Variants in MGAT5B observed in about 807,000 individuals in gnomAD.
MGAT5B encodes the protein N-acetylglucosaminyl-transferase Vb.
In MGAT5B, 54 loss-of-function variants were observed where a neutral mutation model predicts 95.1. The ratio of observed to expected loss-of-function variants is 0.57; its 90% confidence interval spans 0.46 to 0.71. MGAT5B has a LOEUF of 0.71. MGAT5B is among the 30% of genes least tolerant of loss of function. The pLI is 0.00. For missense variants in MGAT5B, 935 were observed against 1,088.6 expected, an observed-to-expected ratio of 0.86 and a Z score of 1.99; for synonymous variants, 464 against 451.0, an observed-to-expected ratio of 1.03 and a Z score of -0.36.
At position 76,945,805 on chromosome 17, in the gene MGAT5B, G is replaced by A. The variant is rs1033521442; in HGVS notation, c.1849-571G>A. On this transcript the variant is annotated intron_variant, in intron 15 of 17. Coordinates refer to ENST00000569840, the MANE Select transcript of MGAT5B (RefSeq NM_001199172.2). The stretch of plus-strand genomic sequence containing the variant: ...TTCCTGAGCACCCACTGTATGCCAG[G>A]CACTGTGCCAGGCACTGGAGATTCA... 3.3e-5 allele frequency among the ~76,000 whole-genome samples: 5 copies of A among 152,256 alleles called. No individual in the cohort carries two copies. In the South Asian group the frequency reaches 6.2e-4, roughly 19 times the overall value.
At chr17:76,939,419 CAG>C (rs1435287451) in intron 13 of MGAT5B, among the ~76,000 whole-genome samples, 9 of 152,040 alleles carry the variant, frequency 5.9e-5, no homozygotes, top group East Asian at 1.9e-4. Flanking sequence ...GAGGGTGAGA[CAG>C]GGGAATTGCT....
intron 3 of MGAT5B, among the ~76,000 whole-genome samples, chr17:76,887,738 G>A (rs1311197710): frequency 6.6e-6 from 1 of 150,818 alleles, no homozygotes; most frequent in Non-Finnish European, 1.5e-5. Flanking sequence ...TGTATTTTTA[G>A]TAGAGATGGG....
At chr17:76,947,629 G>C (rs1970073275) in intron 16 of MGAT5B, among the ~76,000 whole-genome samples, 1 of 152,212 alleles carries the variant, frequency 6.6e-6, no homozygotes, top group Non-Finnish European at 1.5e-5. Flanking sequence ...TGACCTCTGA[G>C]CCTCCATAAT....
At position 76,904,296 on chromosome 17, in the gene MGAT5B, T is replaced by C. The variant is rs1968435147; in HGVS notation, c.564T>C (p.Phe188=). Residue 188 remains phenylalanine, a synonymous_variant, in exon 6 of 18, where the codon TTT becomes TTC. Transcript: ENST00000569840. ...CCTCTGACCCCTGCTACGCCTTCTT[T>C]GGGGTGGACGGCACCGAGTGCTCCT... ...RWTSDPCYAF[F]GVDGTECSFL... is the part of the protein sequence containing the mutation. The C allele has an allele frequency of 6.2e-7, 1 of 1,611,262 alleles. No homozygotes were observed. Among genetic ancestry groups the C allele is most frequent in the Non-Finnish European group, 8.5e-7 (1 of 1,179,120 alleles).
chr17:76,937,822 C>T (rs561253479), intron 12 of MGAT5B, among the ~76,000 whole-genome samples, 166 bp from the exon 13 acceptor site: 134 of 152,310 alleles, frequency 8.8e-4, no homozygotes, highest in Middle Eastern at 3.4e-3. Context: ...CATAGGTTTT[C>T]AGGGCCAGAG....
intron 8 of MGAT5B, among the ~76,000 whole-genome samples, chr17:76,909,507 C>T (rs1026058708): frequency 6.6e-6 from 1 of 152,172 alleles, no homozygotes; most frequent in Non-Finnish European, 1.5e-5. Flanking sequence ...TCTGATTGGC[C>T]TTCTCTCCAC....
intron 11 of MGAT5B, 93 bp downstream of exon 11, chr17:76,932,868 C>A: frequency 6.6e-7 from 1 of 1,506,484 alleles, no homozygotes; most frequent in South Asian, 1.3e-5. Context: ...ATGCGGTGCC[C>A]TCCTCCCGCC....
At chr17:76,919,450 G>C (rs560356876) in intron 8 of MGAT5B, among the ~76,000 whole-genome samples, 1 of 152,226 alleles carries the variant, frequency 6.6e-6, no homozygotes, top group Non-Finnish European at 1.5e-5. Flanking sequence ...GTATTTTTAA[G>C]ACCGGGTCTC....
At chr17:76,933,517 G>A (rs529848805) in intron 12 of MGAT5B, among the ~76,000 whole-genome samples, 18 of 152,184 alleles carry the variant, frequency 1.2e-4, no homozygotes, top group Non-Finnish European at 2.6e-4. Flanking sequence ...CAAGTCCTGG[G>A]AGGTCAAGGT....
chr17:76,875,635 C>T (rs651600), intron 2 of MGAT5B, among the ~76,000 whole-genome samples: 13,254 of 125,562 alleles, frequency 0.11, 1,536 homozygotes, highest in African/African-American at 0.3. Flanking sequence ...ATCTTGTATG[C>T]GGTTGTAGTC....
intron 3 of MGAT5B, among the ~76,000 whole-genome samples, chr17:76,888,720 C>A (rs1292254665): frequency 3.3e-5 from 5 of 152,064 alleles, no homozygotes; most frequent in Admixed American, 6.5e-5. Flanking sequence ...TTTGAGGGAC[C>A]AGCCTGAAGG....
At chr17:76,921,814 T>A (rs2145229918) in intron 8 of MGAT5B, among the ~76,000 whole-genome samples, 1 of 152,342 alleles carries the variant, frequency 6.6e-6, no homozygotes, top group African/African-American at 2.4e-5. Flanking sequence ...CTCTGCTCCT[T>A]CCTGGCTGTG....
chr17:76,938,164 C>G lies in MGAT5B; in HGVS notation c.1584+21C>G, dbSNP rs2145270538. On this transcript the variant is annotated intron_variant, in intron 13 of 17. Transcript: ENST00000569840. The surrounding 1 kb of genome is among the most constrained non-coding windows in gnomAD (Gnocchi z 4.3). ...CCAAAGTGAGCTCCCATCCCCCGCA[C>G]CATTCTCACACTTGCCGGCTGCAGA... is the stretch of plus-strand genomic sequence containing the variant. 1 of 1,611,868 alleles carries G rather than the reference C, an allele frequency of 6.2e-7. No homozygotes were observed. The highest frequency in any genetic ancestry group is 2.2e-5 in the East Asian group (1 of 44,840).
intron 15 of MGAT5B, among the ~76,000 whole-genome samples, chr17:76,945,076 C>G (rs569149517): frequency 1.3e-5 from 2 of 152,244 alleles, no homozygotes; most frequent in South Asian, 2.1e-4. Flanking sequence ...TGCCCCTGCC[C>G]TTTCAGGTCA....
intron 10 of MGAT5B, 30 bp from the exon 11 acceptor site, chr17:76,932,615 C>T (rs1305046014): frequency 1.9e-6 from 3 of 1,611,070 alleles, no homozygotes; most frequent in Admixed American, 3.3e-5. Context: ...TGTTTGGTGA[C>T]CCCATTCCTT....
chr17:76,885,770 C>T (rs185839752), intron 3 of MGAT5B, among the ~76,000 whole-genome samples: 2 of 152,304 alleles, frequency 1.3e-5, no homozygotes, highest in African/African-American at 4.8e-5. Context: ...CTGTGAAAGC[C>T]GCCTGCTCAC....
intron 15 of MGAT5B, among the ~76,000 whole-genome samples, chr17:76,945,655 G>T (rs1323322051): frequency 1.3e-5 from 2 of 152,196 alleles, no homozygotes; most frequent in Non-Finnish European, 2.9e-5. Context: ...TGGGGGCAGG[G>T]TACTTTACAA....
chr17:76,902,275 A>T (rs866908825), intron 3 of MGAT5B, among the ~76,000 whole-genome samples: 3 of 151,756 alleles, frequency 2.0e-5, no homozygotes, highest in African/African-American at 7.2e-5. Flanking sequence ...TGCAGATATG[A>T]TCACACATGC....
In MGAT5B at chr17:76,904,391, A is replaced by G; in HGVS notation, c.659A>G (p.Gln220Arg). The G allele has an allele frequency of 6.4e-7, 1 of 1,567,702 alleles. No individual in the cohort carries two copies. Among genetic ancestry groups the G allele is most frequent in the African/African-American group, 1.3e-5 (1 of 74,114 alleles). The change falls in exon 6 of 18, where the codon CAG (glutamine) becomes CGG (arginine). Residue 220 changes from glutamine to arginine, a missense_variant. By Grantham distance (43) the Gln-to-Arg change is conservative (BLOSUM62 1). Coordinates refer to ENST00000569840, the MANE Select transcript of MGAT5B (RefSeq NM_001199172.2). The part of the protein sequence containing the change: ...PLPWRNQTAA[Q>R]RAPKPLPKVQ... ...CCCTGGAGGAACCAGACGGCTGCCC[A>G]GAGGGCACCCAAGCCCCTCCCCAAA...
Sources: gnomAD v4.1 joint callset for allele counts (sites outside exome capture counted in the v4.1 genomes callset) on GRCh38, gnomAD v4.1.1 for gene constraint, Gnocchi (gnomAD v3.1) non-coding constraint, MANE v1.5 for transcripts, NCBI Gene and HGNC (gene_info 2026-07-23, HGNC 2026-07-21) for gene names.